Variants in DLG2 observed in about 807,000 individuals in gnomAD.
The protein encoded by DLG2 is discs large MAGUK scaffold protein 2.
DLG2 carries 45 observed loss-of-function variants against 132.5 expected under a neutral mutation model. The ratio of observed to expected loss-of-function variants is 0.34; its 90% CI spans 0.27 to 0.44. The LOEUF (loss-of-function observed/expected upper bound fraction) is 0.44. DLG2 is among the 20% of genes least tolerant of loss of function. DLG2 has a pLI of 1.00. For synonymous variants in DLG2, 424 were observed against 419.6 expected (o/e 1.01, Z -0.13); for missense variants, 1,045 against 1,196.9 (o/e 0.87, Z 1.87).
chr11:84,221,879 A>G (rs757709955), intron 8 of DLG2, among the ~76,000 whole-genome samples: 5 of 152,226 alleles, frequency 3.3e-5, no homozygotes, highest in Non-Finnish European at 5.9e-5. Flanking sequence ...TGAAATATAT[A>G]CACAATTATA....
intron 3 of DLG2, among the ~76,000 whole-genome samples, chr11:85,597,593 T>A (rs1478906433): frequency 1.3e-5 from 2 of 151,908 alleles, no homozygotes; most frequent in African/African-American, 4.8e-5. Flanking sequence ...CTTCTATTTT[T>A]ATTCAATAGA....
chr11:84,699,915 ATGTAG>A (rs2059034759), intron 6 of DLG2, among the ~76,000 whole-genome samples: 1 of 151,640 alleles, frequency 6.6e-6, no homozygotes, highest in African/African-American at 2.4e-5. Flanking sequence ...TTTGGGTCAA[ATGTAG>A]GCTGTACCAC....
intron 6 of DLG2, among the ~76,000 whole-genome samples, chr11:84,863,727 TA>T (rs2084114880): frequency 6.6e-6 from 1 of 152,002 alleles, no homozygotes; most frequent in Admixed American, 6.6e-5. Context: ...GTTAATAAAA[TA>T]AAAGAAATGA....
intron 6 of DLG2, among the ~76,000 whole-genome samples, chr11:84,623,054 C>T (rs1325204984): frequency 6.6e-6 from 1 of 152,158 alleles, no homozygotes; most frequent in Non-Finnish European, 1.5e-5. Flanking sequence ...AGTCTCTCTG[C>T]TTTCCAGTGG....
At chr11:83,775,158 A>G (rs2153798992) in intron 18 of DLG2, among the ~76,000 whole-genome samples, 2 of 152,324 alleles carry the variant, frequency 1.3e-5, no homozygotes, top group South Asian at 4.1e-4. Context: ...CTCCACCAGC[A>G]TGAACCCTCC....
At position 84,337,691 on chromosome 11, in the gene DLG2, C is replaced by T. The variant is rs191738699; in HGVS notation, c.520-86400G>A. Among the ~76,000 whole-genome samples, 5 of 152,262 alleles carry T rather than the reference C, an allele frequency of 3.3e-5. No individual in the cohort carries two copies. The East Asian group carries it at 7.7e-4, about 24-fold the overall frequency. On this transcript the variant is annotated intron_variant, in intron 7 of 27. Coordinates refer to ENST00000376104, the MANE Select transcript of DLG2 (RefSeq NM_001142699.3). ...TCCCATCTCTGATAGTGGTCTTAAA[C>T]TTACATATTCCTTGTATCTTCTTAT...
intron 7 of DLG2, among the ~76,000 whole-genome samples, chr11:84,380,795 T>C (rs868783735): frequency 6.6e-5 from 10 of 152,000 alleles, no homozygotes; most frequent in African/African-American, 2.2e-4. Context: ...TCATAACAAA[T>C]AAAATTTTAA....
At chr11:84,443,471 C>T (rs563908323) in intron 7 of DLG2, among the ~76,000 whole-genome samples, 3 of 152,232 alleles carry the variant, frequency 2.0e-5, no homozygotes, top group Non-Finnish European at 4.4e-5. Context: ...AGCTTTAATG[C>T]TATTCATTAC....
chr11:85,369,156 G>A (rs867585420), intron 3 of DLG2, among the ~76,000 whole-genome samples: 9 of 152,174 alleles, frequency 5.9e-5, no homozygotes, highest in East Asian at 3.9e-4. Context: ...CTTGGGGGTC[G>A]GAGGAAAGGC....
intron 21 of DLG2, among the ~76,000 whole-genome samples, chr11:83,508,844 T>A (rs12287099): frequency 0.2 from 30,055 of 152,180 alleles, 3,190 homozygotes; most frequent in Non-Finnish European, 0.21. Context: ...AAGACCAAAC[T>A]TCACTACTGT....
In DLG2 at chr11:83,657,138, G is replaced by A. The variant is rs149440654; in HGVS notation, c.1826-23813C>T. Among the ~76,000 whole-genome samples, 440 of 152,266 alleles carry A rather than the reference G, an allele frequency of 2.9e-3. 5 individuals carry two copies. The highest frequency in any genetic ancestry group is 0.014 in the Middle Eastern group (4 of 294). On this transcript the variant is annotated intron_variant, in intron 18 of 27. Transcript: ENST00000376104. ...TCTAGATTAAAACTTGTCTTATTCT[G>A]TCTGTAATTTCCTGCTGCTACAACT...
At chr11:85,106,567 C>G (rs1191888696) in intron 6 of DLG2, among the ~76,000 whole-genome samples, 2 of 151,994 alleles carry the variant, frequency 1.3e-5, no homozygotes, top group Admixed American at 1.3e-4. Context: ...GTCCCATGCA[C>G]TCCCTTCTGG....
chr11:84,562,463 C>T (rs966502925), intron 6 of DLG2, among the ~76,000 whole-genome samples: 2 of 152,076 alleles, frequency 1.3e-5, no homozygotes, highest in Non-Finnish European at 2.9e-5. Flanking sequence ...AGTGCTCTCT[C>T]CCTTGACATT....
chr11:84,949,318 T>C (rs1277757870), intron 6 of DLG2, among the ~76,000 whole-genome samples: 14 of 151,976 alleles, frequency 9.2e-5, no homozygotes, highest in Non-Finnish European at 1.6e-4. Flanking sequence ...CAGGGCGAGA[T>C]CACAGGACCA....
chr11:85,346,792 A>G (rs2082881967), intron 3 of DLG2, among the ~76,000 whole-genome samples: 1 of 152,066 alleles, frequency 6.6e-6, no homozygotes, highest in South Asian at 2.1e-4. Flanking sequence ...AGTAAAGGAC[A>G]TCACAAAGAA....
intron 8 of DLG2, among the ~76,000 whole-genome samples, chr11:84,181,129 CTT>C (rs2096115174): frequency 6.6e-6 from 1 of 151,792 alleles, no homozygotes; most frequent in Non-Finnish European, 1.5e-5. Flanking sequence ...TGTATGATCA[CTT>C]ATATATAATC....
intron 3 of DLG2, among the ~76,000 whole-genome samples, chr11:85,557,169 G>A (rs1268568727): frequency 6.6e-6 from 1 of 151,586 alleles, no homozygotes; most frequent in Non-Finnish European, 1.5e-5. Context: ...TAACCAAACT[G>A]AGAAACAAAT....
At chr11:84,403,318 T>C (rs2154448165) in intron 7 of DLG2, among the ~76,000 whole-genome samples, 1 of 152,306 alleles carries the variant, frequency 6.6e-6, no homozygotes, top group South Asian at 2.1e-4. Flanking sequence ...CTCAAAGATT[T>C]GTACCAAAGA....
chr11:84,237,765 T>C (rs1055141328), intron 8 of DLG2, among the ~76,000 whole-genome samples: 2 of 111,926 alleles, frequency 1.8e-5, no homozygotes, highest in African/African-American at 3.6e-5. Context: ...CAGCCGGGCA[T>C]GGTGGCTTAT....
Sources: gnomAD v4.1 joint callset for allele counts (sites outside exome capture counted in the v4.1 genomes callset) on GRCh38, gnomAD v4.1.1 for gene constraint, MANE v1.5 for transcripts, NCBI Gene and HGNC (gene_info 2026-07-23, HGNC 2026-07-21) for gene names.